Variants in KIF18A observed in about 807,000 individuals in gnomAD.
KIF18A encodes kinesin family member 18A.
KIF18A carries 67 observed loss-of-function variants against 103.3 expected under a neutral mutation model. The ratio of observed to expected loss-of-function variants is 0.65; its 90% CI spans 0.53 to 0.79. The LOEUF (loss-of-function observed/expected upper bound fraction) is 0.79, where lower values mean the gene tolerates loss of function less well. KIF18A is among the 30% of genes least tolerant of loss of function. KIF18A has a pLI of 0.00. For synonymous variants in KIF18A, 367 were observed against 355.5 expected (o/e 1.03, Z -0.36); for missense variants, 1,032 against 1,062.5 (o/e 0.97, Z 0.40).
At chr11:28,070,875 C>A (rs1210822460) in intron 10 of KIF18A, among the ~76,000 whole-genome samples, 2 of 152,108 alleles carry the variant, frequency 1.3e-5, no homozygotes, top group African/African-American at 4.8e-5. Context: ...ACCGTGTCTC[C>A]ACACAAAAAT....
chr11:28,079,237 C>A (rs1851131763), intron 9 of KIF18A, among the ~76,000 whole-genome samples: 1 of 151,928 alleles, frequency 6.6e-6, no homozygotes, highest in South Asian at 2.1e-4. Flanking sequence ...CAGTGCTGAG[C>A]AATTTTATGG....
rs752176368 is a variant in KIF18A at position 28,096,008 on chromosome 11, C to CA, written c.326-1209dup. On this transcript the variant is annotated intron_variant, in intron 2 of 16. Transcript: ENST00000263181. ...CCTGGGCAACACAGCAAGACTTCAT[C>CA]AAAAAAAAAAAAAAGACAAAGAAAA... 6.8e-3 allele frequency among the ~76,000 whole-genome samples: 499 copies of CA among 73,742 alleles called. 5 individuals carry two copies. Among genetic ancestry groups the CA allele is most frequent in the African/African-American group, 0.012 (219 of 17,692 alleles). 48.4% of individuals were successfully genotyped at this position (73,742 alleles called of 152,430 possible).
intron 5 of KIF18A, among the ~76,000 whole-genome samples, chr11:28,089,304 TATC>T (rs1851271101): frequency 6.6e-6 from 1 of 152,150 alleles, no homozygotes; most frequent in Non-Finnish European, 1.5e-5. Flanking sequence ...ATTGTGAAAA[TATC>T]ATAAATCAAA....
intron 13 of KIF18A, among the ~76,000 whole-genome samples, chr11:28,049,530 T>C (rs1001620697): frequency 6.6e-6 from 1 of 152,130 alleles, no homozygotes; most frequent in African/African-American, 2.4e-5. Context: ...ACATGAGTCA[T>C]AGGCTGCAAA....
chr11:28,083,467 T>C (rs543892347), intron 7 of KIF18A, among the ~76,000 whole-genome samples: 23 of 152,136 alleles, frequency 1.5e-4, no homozygotes, highest in Non-Finnish European at 2.6e-4. Context: ...TTTATAAGCA[T>C]GTAATTGCAA....
chr11:28,057,375 C>T (rs1369643835), intron 13 of KIF18A, among the ~76,000 whole-genome samples: 1 of 151,988 alleles, frequency 6.6e-6, no homozygotes, highest in Non-Finnish European at 1.5e-5. Flanking sequence ...ATTAGCCAGG[C>T]ATGATGGCGG....
intron 6 of KIF18A, 52 bp from the exon 7 acceptor site, chr11:28,084,860 C>G (rs1012735296): frequency 1.4e-6 from 2 of 1,418,286 alleles, no homozygotes; most frequent in Admixed American, 1.7e-5. Context: ...TAAATGCAAA[C>G]CTGCTACCAC....
chr11:28,062,275 A>G, intron 12 of KIF18A, 120 bp downstream of exon 12: 1 of 803,914 alleles, frequency 1.2e-6, no homozygotes, highest in Non-Finnish European at 1.8e-6. Flanking sequence ...GTTCAGACAG[A>G]CACTTAAAAA....
At chr11:28,067,730 A>G (rs1850952918) in intron 11 of KIF18A, among the ~76,000 whole-genome samples, 1 of 152,166 alleles carries the variant, frequency 6.6e-6, no homozygotes, top group South Asian at 2.1e-4. Flanking sequence ...GAATTTCAGA[A>G]GAGCATCACC....
rs1565087639 is a variant in KIF18A at position 28,084,612 on chromosome 11, G to A, written c.1074+20C>T. 5 of 1,562,628 alleles carry A rather than the reference G, an allele frequency of 3.2e-6. No homozygotes were observed. The highest frequency in any genetic ancestry group is 4.4e-6 in the Non-Finnish European group (5 of 1,140,240). ...ATGCAGACAATACCTTCACAACAAA[G>A]GCAGAGTAAACAGACTTACAGAAGA... On this transcript the variant is annotated intron_variant, in intron 7 of 16. Coordinates refer to ENST00000263181, the MANE Select transcript of KIF18A (RefSeq NM_031217.4).
chr11:28,034,741 A>C (rs925950575), intron 15 of KIF18A, among the ~76,000 whole-genome samples: 1 of 151,732 alleles, frequency 6.6e-6, no homozygotes, highest in African/African-American at 2.4e-5. Context: ...TCTATGCCTT[A>C]TGCCATAAAT....
At chr11:28,091,748 C>T (rs573378328) in intron 3 of KIF18A, among the ~76,000 whole-genome samples, 45 of 152,312 alleles carry the variant, frequency 3.0e-4, no homozygotes, top group African/African-American at 1.0e-3. Context: ...GGAGTCATCC[C>T]CTCACTCATA....
intron 13 of KIF18A, among the ~76,000 whole-genome samples, chr11:28,049,119 C>T (rs917574002): frequency 1.4e-4 from 21 of 152,050 alleles, no homozygotes; most frequent in African/African-American, 4.3e-4. Context: ...CTATATTATT[C>T]ATTTCTTATG....
At chr11:28,063,007 G>A (rs796752101) in intron 11 of KIF18A, among the ~76,000 whole-genome samples, 7 of 151,970 alleles carry the variant, frequency 4.6e-5, no homozygotes, top group African/African-American at 9.7e-5. Flanking sequence ...GACAGGCACC[G>A]AGTCAGGTTA....
At chr11:28,072,568 T>G (rs1342262609) in intron 10 of KIF18A, among the ~76,000 whole-genome samples, 1 of 152,172 alleles carries the variant, frequency 6.6e-6, no homozygotes, top group Non-Finnish European at 1.5e-5. Context: ...AACCTCTAGA[T>G]GTCTTCCTAT....
rs201938028 is a variant in KIF18A at position 28,094,720 on chromosome 11, T to C, written c.406A>G (p.Thr136Ala). The C allele has an allele frequency of 1.9e-5, 30 of 1,613,036 alleles. No homozygotes were observed. The Admixed American group carries it at 4.8e-4, about 26-fold the overall frequency. The change falls in exon 3 of 17, where the codon ACA (threonine) becomes GCA (alanine). Residue 136 changes from threonine to alanine, a missense_variant. Physicochemically the swap from Thr to Ala is moderately conservative, Grantham distance 58. Coordinates refer to ENST00000263181, the MANE Select transcript of KIF18A (RefSeq NM_031217.4). ...ATGCATTTGTAAAGGTGTAACATTGTTAGATACATCACTCCAGGTTCATCA... is the reference window on the plus strand; with the variant it reads ...ATGCATTTGTAAAGGTGTAACATTGCTAGATACATCACTCCAGGTTCATCA... ...SADEPGVMYLTMLHLYKCMDE... is the reference protein window; with the variant it reads ...SADEPGVMYLAMLHLYKCMDE...
intron 2 of KIF18A, among the ~76,000 whole-genome samples, chr11:28,096,942 A>G (rs1851383742): frequency 6.6e-6 from 1 of 151,976 alleles, no homozygotes; most frequent in Non-Finnish European, 1.5e-5. Context: ...AAAAAGCACT[A>G]AAGATGCTTC....
chr11:28,052,256 TG>T (rs1850720630), intron 13 of KIF18A, among the ~76,000 whole-genome samples: 1 of 152,084 alleles, frequency 6.6e-6, no homozygotes, highest in African/African-American at 2.4e-5. Flanking sequence ...AATTGAGGTA[TG>T]TTACATTTCT....
chr11:28,084,706 G>C lies in KIF18A; in HGVS notation c.1000C>G (p.Pro334Ala). The C allele has an allele frequency of 6.2e-7, 1 of 1,611,920 alleles. No individual in the cohort carries two copies. ...CQTIMIAAVS[P>A]SSVFYDDTYN... Reference sequence around the variant, plus strand: ...GTGTCATCGTAGAATACAGAGGAAGGACTAACAGCAGCTATCATTATAGTT... The same window carrying C: ...GTGTCATCGTAGAATACAGAGGAAGCACTAACAGCAGCTATCATTATAGTT... The change falls in exon 7 of 17, where the codon CCT becomes GCT. Residue 334 changes from proline (P) to alanine (A), a missense_variant. By Grantham distance (27) the Pro-to-Ala change is conservative. Transcript: ENST00000263181.
Sources: gnomAD v4.1 joint callset for allele counts (sites outside exome capture counted in the v4.1 genomes callset) on GRCh38, gnomAD v4.1.1 for gene constraint, MANE v1.5 for transcripts, NCBI Gene and HGNC (gene_info 2026-07-23, HGNC 2026-07-21) for gene names.